COPG2: variants seen among roughly 807,000 people sequenced by gnomAD.
The protein encoded by COPG2 is coatomer subunit gamma-2.
In COPG2, 37 loss-of-function variants were observed where a neutral mutation model predicts 46.3. The observed-to-expected ratio is 0.80, with a 90% CI of 0.61 to 1.05. The LOEUF (loss-of-function observed/expected upper bound fraction) is 1.05, where lower values mean the gene tolerates loss of function less well. Ranked by LOEUF, COPG2 falls within the 50% of genes least tolerant of loss-of-function variation. The probability of loss-of-function intolerance (pLI) is 0.00; values close to 1 mark genes in which losing one functional copy is unlikely to be tolerated. For missense variants in COPG2, 427 were observed against 387.8 expected, an observed-to-expected ratio of 1.10 and a Z score of -0.85; for synonymous variants, 159 against 129.7, an observed-to-expected ratio of 1.23 and a Z score of -1.53.
chr7:130,607,865 G>C (rs1794765259), intron 9 of COPG2: 1 of 510,902 alleles, frequency 2.0e-6, no homozygotes, highest in African/African-American at 1.9e-5. Flanking sequence ...ATTTCACCCA[G>C]TATAGCTTTT....
chr7:130,611,898 A>C (rs1554452137), intron 8 of COPG2, among the ~76,000 whole-genome samples: 2 of 152,214 alleles, frequency 1.3e-5, no homozygotes, highest in Non-Finnish European at 2.9e-5. Flanking sequence ...CGAGCATCTC[A>C]ATCTACTACT....
At chr7:130,660,348 C>CT (rs1199303661) in intron 4 of COPG2, among the ~76,000 whole-genome samples, 4 of 152,160 alleles carry the variant, frequency 2.6e-5, no homozygotes, top group Non-Finnish European at 5.9e-5. Context: ...TTCTCTGACA[C>CT]TTTCATCAGC....
chr7:130,506,535 T>C lies in COPG2; in HGVS notation c.*141A>G. On this transcript the variant is annotated 3_prime_UTR_variant, in exon 24 of 24. Coordinates refer to ENST00000425248, the MANE Select transcript of COPG2 (RefSeq NM_012133.6). The stretch of plus-strand genomic sequence containing the variant: ...CGCAAAGATAGACATTTGCTTGATC[T>C]GCTGGCTCAGGGCCAAATGTTTAAT... 1 of 484,430 alleles carries C rather than the reference T, an allele frequency of 2.1e-6. No individual in the cohort carries two copies. The highest frequency in any genetic ancestry group is 3.5e-5 in the South Asian group (1 of 28,672). The allele number at this position is 484,430 out of a possible 1,614,324, so 30.0% of individuals were successfully genotyped here.
rs370158457 is a variant in COPG2, at chr7:130,576,325, C to T, written c.738-11932G>A. ...ACAGGCCATATGATAGGCCATAAAA[C>T]GAGCCTCAATAAATTTAAGAAAATT... On this transcript the variant is annotated intron_variant, in intron 9 of 23. Coordinates refer to ENST00000425248, the MANE Select transcript of COPG2 (RefSeq NM_012133.6). 7.9e-5 allele frequency among the ~76,000 whole-genome samples: 12 copies of T among 152,226 alleles called. No homozygotes were observed. The East Asian group carries it at 9.6e-4, about 12-fold the overall frequency.
intron 20 of COPG2, among the ~76,000 whole-genome samples, chr7:130,533,164 T>C (rs1353185261): frequency 6.6e-6 from 1 of 152,022 alleles, no homozygotes; most frequent in African/African-American, 2.4e-5. Flanking sequence ...TCAGGGAATA[T>C]GTTCCAGCAA....
At chr7:130,518,431 C>T (rs1388863271) in intron 20 of COPG2, among the ~76,000 whole-genome samples, 1 of 152,116 alleles carries the variant, frequency 6.6e-6, no homozygotes, top group Admixed American at 6.5e-5. Context: ...AACTGGAGAG[C>T]ATGGGCAAGT....
chr7:130,651,674 G>A (rs902389830), intron 5 of COPG2, among the ~76,000 whole-genome samples: 23 of 151,182 alleles, frequency 1.5e-4, no homozygotes, highest in South Asian at 1.1e-3. Context: ...CCGCCACCGC[G>A]CCCGGCTAAT....
intron 20 of COPG2, among the ~76,000 whole-genome samples, chr7:130,541,029 T>C (rs1216832286): frequency 3.3e-5 from 5 of 152,072 alleles, no homozygotes; most frequent in South Asian, 4.1e-4. Flanking sequence ...CACTGGTGGA[T>C]GCGGGAGGAT....
intron 9 of COPG2, among the ~76,000 whole-genome samples, chr7:130,577,916 G>C (rs1461489063): frequency 6.6e-5 from 10 of 152,000 alleles, no homozygotes; most frequent in African/African-American, 2.4e-4. Flanking sequence ...CAGCGAGGCT[G>C]GGGGAGGGGC....
intron 20 of COPG2, among the ~76,000 whole-genome samples, chr7:130,525,017 C>T (rs1799760374): frequency 6.6e-6 from 1 of 151,852 alleles, no homozygotes; most frequent in Non-Finnish European, 1.5e-5. Context: ...TGGAGGGTGT[C>T]TGGAAGAGAA....
At chr7:130,645,180 C>T (rs1168604395) in intron 5 of COPG2, 14 of 618,154 alleles carry the variant, frequency 2.3e-5, no homozygotes, top group African/African-American at 1.1e-4. Context: ...CATGCTTCCA[C>T]GTATTCAGAG....
intron 6 of COPG2, among the ~76,000 whole-genome samples, chr7:130,615,536 T>C (rs782592868): frequency 6.6e-6 from 1 of 152,248 alleles, no homozygotes; most frequent in African/African-American, 2.4e-5. Context: ...CCTCAAGTTA[T>C]ACTCTTAAAT....
At chr7:130,536,156 G>C (rs984607102) in intron 20 of COPG2, among the ~76,000 whole-genome samples, 2 of 152,098 alleles carry the variant, frequency 1.3e-5, no homozygotes, top group African/African-American at 4.8e-5. Context: ...TGCAGACTGG[G>C]CTTTTGGGCA....
At position 130,667,437 on chromosome 7, in the gene COPG2, A is replaced by G. The variant is rs1554461622; in HGVS notation, c.90+45T>C. The stretch of plus-strand genomic sequence containing the variant: ...CAGGGATTCTCTGCCCACCACTCTA[A>G]AACAGAATAGAAAAGAAAGGGCACA... On this transcript the variant is annotated intron_variant, in intron 2 of 23. Transcript: ENST00000425248. 2.6e-6 allele frequency: 4 copies of G among 1,548,558 alleles called. No homozygotes were observed. The South Asian group carries it at 4.5e-5, about 17-fold the overall frequency.
At chr7:130,577,931 G>A (rs1385437044) in intron 9 of COPG2, among the ~76,000 whole-genome samples, 3 of 152,094 alleles carry the variant, frequency 2.0e-5, no homozygotes, top group East Asian at 1.9e-4. Context: ...AGGGGCGCCC[G>A]CCATTGCCCA....
chr7:130,618,600 C>T (rs1258273383), intron 5 of COPG2, among the ~76,000 whole-genome samples: 1 of 152,082 alleles, frequency 6.6e-6, no homozygotes, highest in East Asian at 1.9e-4. Context: ...GTAAGTGTTC[C>T]ATGAATACTT....
At chr7:130,640,158 C>CTTTTTTTT (rs11431866) in intron 5 of COPG2, among the ~76,000 whole-genome samples, 2 of 96,456 alleles carry the variant, frequency 2.1e-5, no homozygotes, top group East Asian at 3.6e-4. Flanking sequence ...CACCACCAAC[C>CTTTTTTTT]TTTTTTTTTT....
At chr7:130,610,829 G>A (rs56232567) in intron 9 of COPG2, 124 bp downstream of exon 9, 111,704 of 936,132 alleles carry the variant, frequency 0.12, 7,623 homozygotes, top group East Asian at 0.22. Flanking sequence ...TTAAAAAATT[G>A]AAAAACATTG....
At chr7:130,605,114 CCA>C (rs1794704490) in intron 9 of COPG2, 2 of 492,368 alleles carry the variant, frequency 4.1e-6, no homozygotes. Flanking sequence ...TGATCTTATC[CCA>C]CAGTTCTTCG....
Sources: allele counts gnomAD v4.1 joint callset (sites outside exome capture counted in the v4.1 genomes callset), GRCh38; gene constraint gnomAD v4.1.1; transcripts MANE v1.5; gene names NCBI Gene and HGNC (gene_info 2026-07-23, HGNC 2026-07-21).